Variants in SUSD4 observed in about 807,000 individuals in gnomAD.
SUSD4 encodes the protein sushi domain containing 4.
Under a neutral mutation model 50.5 loss-of-function variants are expected in SUSD4, and 41 were observed. The ratio of observed to expected loss-of-function variants is 0.81; its 90% confidence interval spans 0.63 to 1.05. SUSD4 has a LOEUF of 1.05. Among genes scored for constraint, SUSD4 ranks in the 50% least tolerant of loss-of-function variants. The pLI is 0.00. For synonymous variants in SUSD4, 257 were observed against 257.3 expected (o/e 1.00, Z 0.01); for missense variants, 580 against 634.7 (o/e 0.91, Z 0.93).
At chr1:223,362,294 A>G (rs1471967843) in intron 2 of SUSD4, among the ~76,000 whole-genome samples, 3 of 152,170 alleles carry the variant, frequency 2.0e-5, no homozygotes, top group African/African-American at 7.2e-5. Flanking sequence ...AAACAGCAAT[A>G]TTTTAAAACG....
chr1:223,224,565 C>A (rs946510659), intron 7 of SUSD4, among the ~76,000 whole-genome samples: 4 of 152,148 alleles, frequency 2.6e-5, no homozygotes, highest in African/African-American at 7.2e-5. Context: ...GCAGGCTCAC[C>A]GCCACCTCCT....
At chr1:223,264,470 G>C in intron 5 of SUSD4, 160 bp downstream of exon 5, 2 of 1,358,438 alleles carry the variant, frequency 1.5e-6, no homozygotes, top group Non-Finnish European at 1.9e-6. Flanking sequence ...TGTAAATATG[G>C]CTTCACGGCA....
chr1:223,242,854 AG>A (rs1330548185), intron 5 of SUSD4, among the ~76,000 whole-genome samples: 1 of 152,190 alleles, frequency 6.6e-6, no homozygotes, highest in East Asian at 1.9e-4. Flanking sequence ...GCCCTGCCAC[AG>A]GGTGAAGTCG....
intron 3 of SUSD4, among the ~76,000 whole-genome samples, chr1:223,271,961 T>C (rs1388783392): frequency 6.6e-6 from 1 of 152,222 alleles, no homozygotes; most frequent in Non-Finnish European, 1.5e-5. Flanking sequence ...GGCAGGTGGC[T>C]CACCCCTATA....
At chr1:223,234,806 GAGGCCAA>G (rs1571848398) in intron 5 of SUSD4, 3 of 1,087,932 alleles carry the variant, frequency 2.8e-6, no homozygotes, top group Admixed American at 3.6e-5. Flanking sequence ...CTAAAATAAA[GAGGCCAA>G]CGTTTCTAAC....
intron 4 of SUSD4, among the ~76,000 whole-genome samples, chr1:223,265,925 T>C (rs1223819711): frequency 1.3e-5 from 2 of 152,234 alleles, no homozygotes; most frequent in African/African-American, 4.8e-5. Context: ...ATGTGTCCCA[T>C]GCACAGCAGC....
chr1:223,297,595 C>G (rs1664909718), intron 2 of SUSD4, among the ~76,000 whole-genome samples: 1 of 152,154 alleles, frequency 6.6e-6, no homozygotes, highest in African/African-American at 2.4e-5. Context: ...GCTCATCATC[C>G]AGGACACAGC....
intron 4 of SUSD4, 141 bp downstream of exon 4, chr1:223,268,361 C>T: frequency 9.0e-7 from 1 of 1,109,002 alleles, no homozygotes; most frequent in Non-Finnish European, 1.2e-6. Flanking sequence ...AGTAAAGATG[C>T]AACTGGATCC....
intron 5 of SUSD4, among the ~76,000 whole-genome samples, chr1:223,238,293 C>T (rs1660353549): frequency 1.3e-5 from 2 of 152,012 alleles, no homozygotes; most frequent in South Asian, 4.1e-4. Context: ...TTCAAATAAT[C>T]AGCTTTTGAC....
At chr1:223,281,126 A>G (rs1019837277) in intron 3 of SUSD4, among the ~76,000 whole-genome samples, 2 of 152,308 alleles carry the variant, frequency 1.3e-5, no homozygotes, top group South Asian at 2.1e-4. Context: ...GTGCCCACAA[A>G]AGAAAGCAGG....
chr1:223,361,392 T>G (rs1231583478), intron 2 of SUSD4, among the ~76,000 whole-genome samples: 3 of 151,992 alleles, frequency 2.0e-5, no homozygotes, highest in Non-Finnish European at 4.4e-5. Context: ...TATGAGTGCC[T>G]AAAAAGAAAG....
chr1:223,325,068 T>C (rs1306850312), intron 2 of SUSD4, among the ~76,000 whole-genome samples: 3 of 152,102 alleles, frequency 2.0e-5, no homozygotes, highest in Non-Finnish European at 4.4e-5. Context: ...CATTTGGAAA[T>C]TCTTATGATT....
At chr1:223,314,699 TTTCCTTGCACGAGCTCTC>T (rs542004309) in intron 2 of SUSD4, among the ~76,000 whole-genome samples, 45 of 151,586 alleles carry the variant, frequency 3.0e-4, no homozygotes, top group South Asian at 2.5e-3. Context: ...ATAAGGGGAG[TTTCCTTGCACGAGCTCTC>T]TTCTCTTGTC....
At chr1:223,315,471 G>A (rs188692929) in intron 2 of SUSD4, among the ~76,000 whole-genome samples, 14 of 152,252 alleles carry the variant, frequency 9.2e-5, no homozygotes, top group South Asian at 2.1e-4. Flanking sequence ...CTGGACCCGC[G>A]GACTCCGCCA....
At chr1:223,293,490 A>G (rs1291788753) in intron 2 of SUSD4, among the ~76,000 whole-genome samples, 1 of 152,134 alleles carries the variant, frequency 6.6e-6, no homozygotes, top group Non-Finnish European at 1.5e-5. Context: ...AGTGCTCCAT[A>G]CCAGTTTGCT....
chr1:223,345,126 T>A (rs1305758771), intron 2 of SUSD4, among the ~76,000 whole-genome samples: 1 of 152,208 alleles, frequency 6.6e-6, no homozygotes, highest in Non-Finnish European at 1.5e-5. Flanking sequence ...CCAGTGAGGA[T>A]AACTTACATT....
intron 2 of SUSD4, among the ~76,000 whole-genome samples, chr1:223,321,019 C>G (rs1309273008): frequency 6.6e-6 from 1 of 152,204 alleles, no homozygotes; most frequent in Non-Finnish European, 1.5e-5. Context: ...GAATTTCAAT[C>G]CTGACCTCTC....
Position 223,222,015 on chromosome 1 carries a change from C to T in SUSD4, c.*177G>A, listed in dbSNP as rs1558156865. On this transcript the variant is annotated 3_prime_UTR_variant, in exon 9 of 9. Transcript: ENST00000366878. ...AATCCTCAAATCTCATTTAAAAGCACTGCCATTGCAGTTTGTCAGCCTCAC... is the reference window on the plus strand; with the variant it reads ...AATCCTCAAATCTCATTTAAAAGCATTGCCATTGCAGTTTGTCAGCCTCAC... 1.3e-5 allele frequency: 8 copies of T among 623,326 alleles called. No individual in the cohort carries two copies. Among genetic ancestry groups the T allele is most frequent in the Non-Finnish European group, 2.2e-5 (8 of 360,506 alleles). The allele number at this position is 623,326 out of a possible 1,614,324, so 38.6% of individuals were successfully genotyped here. A position where few individuals can be genotyped will look rare whatever the true frequency, so the allele number is the denominator to read the frequency against.
Position 223,220,911 on chromosome 1 carries a change from AT to A in SUSD4, c.*1280del, listed in dbSNP as rs1390688113. 3 of 399,304 alleles carry A rather than the reference AT, an allele frequency of 7.5e-6. No homozygotes were observed. Among genetic ancestry groups the A allele is most frequent in the African/African-American group, 6.2e-5 (3 of 48,716 alleles). 24.7% of individuals were successfully genotyped at this position (399,304 alleles called of 1,614,324 possible). A position where few individuals can be genotyped will look rare whatever the true frequency, so the allele number is the denominator to read the frequency against. On this transcript the variant is annotated 3_prime_UTR_variant, in exon 9 of 9. Transcript: ENST00000366878. ...TTCCAGCCCTCACCACTCTATCAGC[AT>A]AGCAATTTTAAGGATCAGAGCTTTG...
Sources: allele counts gnomAD v4.1 joint callset (sites outside exome capture counted in the v4.1 genomes callset), GRCh38; gene constraint gnomAD v4.1.1; transcripts MANE v1.5; gene names NCBI Gene and HGNC (gene_info 2026-07-23, HGNC 2026-07-21).